The following DOCK5 variants were observed in gnomAD, a reference collection of about 807,000 sequenced individuals.
DOCK5 encodes dedicator of cytokinesis 5.
DOCK5 carries 142 observed loss-of-function variants against 251.8 expected under a neutral mutation model. The observed-to-expected ratio is 0.56, with a 90% CI of 0.49 to 0.65. The LOEUF (loss-of-function observed/expected upper bound fraction) is 0.65, where lower values mean the gene tolerates loss of function less well. DOCK5 is among the 30% of genes least tolerant of loss of function. The probability of loss-of-function intolerance (pLI) is 0.00; values close to 1 mark genes in which losing one functional copy is unlikely to be tolerated. For synonymous variants in DOCK5, 842 were observed against 835.5 expected, an observed-to-expected ratio of 1.01 and a Z score of -0.13; for missense variants, 2,111 against 2,312.3, an observed-to-expected ratio of 0.91 and a Z score of 1.79.
intron 6 of DOCK5, 117 bp from the exon 7 acceptor site, chr8:25,296,396 G>T: frequency 1.5e-6 from 2 of 1,335,654 alleles, no homozygotes; most frequent in Non-Finnish European, 2.0e-6. Flanking sequence ...TGCTTCCCTG[G>T]GCTTGTCCAG....
rs145334907 is a variant in DOCK5, at chr8:25,248,210, A to C, written c.127+4453A>C. ...TCGTGCCTACCTTGCCAGATGTCCC[A>C]TGATAGGTCCTTGTATCTGCTAAGC... On this transcript the variant is annotated intron_variant, in intron 2 of 51. Transcript: ENST00000276440. Among the ~76,000 whole-genome samples, 692 of 152,310 alleles carry C rather than the reference A, an allele frequency of 4.5e-3. 2 individuals carry two copies. The highest frequency in any genetic ancestry group is 0.016 in the African/African-American group (662 of 41,570).
intron 1 of DOCK5, among the ~76,000 whole-genome samples, chr8:25,224,421 A>C (rs1179644855): frequency 6.6e-6 from 1 of 152,222 alleles, no homozygotes; most frequent in Non-Finnish European, 1.5e-5. Flanking sequence ...TCCCGGCCTT[A>C]ATCATCTTTG....
At chr8:25,403,817 C>A in intron 48 of DOCK5, 93 bp downstream of exon 48, 3 of 1,339,660 alleles carry the variant, frequency 2.2e-6, no homozygotes, top group Non-Finnish European at 3.1e-6. Flanking sequence ...AGAAAAATAG[C>A]CTTTGGGTCA....
intron 1 of DOCK5, 60 bp from the exon 2 acceptor site, chr8:25,243,614 C>T: frequency 6.6e-7 from 1 of 1,513,154 alleles, no homozygotes; most frequent in Non-Finnish European, 9.0e-7. Context: ...TAGGCGTGAG[C>T]CACCGTGCCC....
Position 25,204,468 on chromosome 8 carries a change from G to A in DOCK5, c.43+19517G>A, listed in dbSNP as rs559723176. Among the ~76,000 whole-genome samples, 37 of 152,286 alleles carry A rather than the reference G, an allele frequency of 2.4e-4. 1 individual carries two copies. The South Asian group carries it at 7.7e-3, about 32-fold the overall frequency. On this transcript the variant is annotated intron_variant, in intron 1 of 51. Transcript: ENST00000276440. ...TTTTCTATTACCTTCTAGATTCTCA[G>A]AGTGTGATGAATTTTCAGTTGTTGA... is the stretch of plus-strand genomic sequence containing the variant.
chr8:25,340,518 G>T (rs1354205679), intron 22 of DOCK5, among the ~76,000 whole-genome samples: 1 of 152,226 alleles, frequency 6.6e-6, no homozygotes. Flanking sequence ...TTTTGAGTTG[G>T]TGGACAGATC....
At chr8:25,373,528 T>G (rs12676152) in intron 35 of DOCK5, 90 bp from the exon 36 acceptor site, 593,379 of 1,273,180 alleles carry the variant, frequency 0.47, 140,010 homozygotes, top group Middle Eastern at 0.54. Context: ...AAGTGAAACT[T>G]TTGAAAAGCA....
chr8:25,393,136 G>C (rs536315858), intron 44 of DOCK5, among the ~76,000 whole-genome samples: 5 of 152,242 alleles, frequency 3.3e-5, no homozygotes, highest in East Asian at 3.9e-4. Flanking sequence ...TCTGCTCAGC[G>C]ATCCTGCCAG....
chr8:25,232,905 C>T (rs1311334926), intron 1 of DOCK5, among the ~76,000 whole-genome samples: 4 of 152,122 alleles, frequency 2.6e-5, no homozygotes, highest in Non-Finnish European at 4.4e-5. Context: ...CATCCATGTG[C>T]GTGGGTTGGG....
At chr8:25,224,406 A>G (rs1802470315) in intron 1 of DOCK5, among the ~76,000 whole-genome samples, 1 of 152,256 alleles carries the variant, frequency 6.6e-6, no homozygotes, top group Non-Finnish European at 1.5e-5. Context: ...GGCATGCGCC[A>G]CAGCTCCCGG....
intron 21 of DOCK5, among the ~76,000 whole-genome samples, 152 bp downstream of exon 21, chr8:25,334,348 G>T (rs1805751506): frequency 6.6e-6 from 1 of 152,138 alleles, no homozygotes; most frequent in African/African-American, 2.4e-5. Flanking sequence ...GTGGAAAAAG[G>T]GAACCATCTA....
intron 5 of DOCK5, among the ~76,000 whole-genome samples, chr8:25,284,351 A>G (rs1804278201): frequency 6.6e-6 from 1 of 152,194 alleles, no homozygotes; most frequent in South Asian, 2.1e-4. Flanking sequence ...CTGATTGATA[A>G]TGAGAAGTGT....
At chr8:25,274,572 T>G (rs1803994715) in intron 3 of DOCK5, among the ~76,000 whole-genome samples, 1 of 152,166 alleles carries the variant, frequency 6.6e-6, no homozygotes, top group African/African-American at 2.4e-5. Context: ...CAGGCCTAAG[T>G]CTTCCCCATG....
chr8:25,185,077 T>C (rs981260567), intron 1 of DOCK5, 126 bp downstream of exon 1: 1 of 1,111,976 alleles, frequency 9.0e-7, no homozygotes. Flanking sequence ...GCTGCGCAGC[T>C]CTGGGAGCCG....
Position 25,389,053 on chromosome 8 carries a change from C to A in DOCK5, c.4132-38C>A, listed in dbSNP as rs113552338. 1,216 of 1,605,100 alleles carry A rather than the reference C, an allele frequency of 7.6e-4. 5 individuals carry two copies. The African/African-American group carries it at 0.015, about 20-fold the overall frequency. On this transcript the variant is annotated intron_variant, in intron 40 of 51. Transcript: ENST00000276440. ...GAACTCCAGTTGCCTCTCCACTCTT[C>A]CTATGTAATGACTTCCCTTTCTGTG...
At chr8:25,310,676 C>A in intron 13 of DOCK5, 144 bp downstream of exon 13, 4 of 899,004 alleles carry the variant, frequency 4.4e-6, no homozygotes, top group Non-Finnish European at 6.3e-6. Context: ...ACAGAGACAC[C>A]TGCAATACTT....
intron 44 of DOCK5, among the ~76,000 whole-genome samples, chr8:25,393,368 C>T (rs1477693082): frequency 6.6e-6 from 1 of 152,206 alleles, no homozygotes; most frequent in Admixed American, 6.5e-5. Context: ...CATGCATGGC[C>T]TTCTCAGGTC....
intron 46 of DOCK5, 149 bp downstream of exon 46, chr8:25,400,143 T>C (rs951214514): frequency 6.1e-6 from 4 of 653,416 alleles, no homozygotes; most frequent in Non-Finnish European, 1.1e-5. Flanking sequence ...ATGTATTTGT[T>C]TGCTCGGCCG....
chr8:25,286,881 C>G (rs895515889), intron 5 of DOCK5, among the ~76,000 whole-genome samples: 8 of 152,018 alleles, frequency 5.3e-5, no homozygotes, highest in African/African-American at 1.9e-4. Context: ...GAGACAGAGT[C>G]TTTAGCCCAT....
Sources: gnomAD v4.1 joint callset for allele counts (sites outside exome capture counted in the v4.1 genomes callset) on GRCh38, gnomAD v4.1.1 for gene constraint, MANE v1.5 for transcripts, NCBI Gene and HGNC (gene_info 2026-07-23, HGNC 2026-07-21) for gene names.